Variants in DCUN1D5 observed in about 807,000 individuals in gnomAD.
DCUN1D5 encodes the protein DCN1-like protein 5.
Under a neutral mutation model 38.3 loss-of-function variants are expected in DCUN1D5, and 10 were observed. The ratio of observed to expected loss-of-function variants is 0.26; its 90% CI spans 0.16 to 0.44. The LOEUF is 0.44. Among genes scored for constraint, DCUN1D5 ranks in the 20% least tolerant of loss-of-function variants. DCUN1D5 has a pLI of 1.00. For synonymous variants in DCUN1D5, 93 were observed against 90.9 expected, an observed-to-expected ratio of 1.02 and a Z score of -0.13; for missense variants, 148 against 275.3, an observed-to-expected ratio of 0.54 and a Z score of 3.27.
rs188834885 is a variant in DCUN1D5, at chr11:103,063,962, T to C, written c.658+313A>G. On this transcript the variant is annotated intron_variant, in intron 7 of 7. Coordinates refer to ENST00000260247, the MANE Select transcript of DCUN1D5 (RefSeq NM_032299.4). This position sits in a 1 kb window ranked among gnomAD's most constrained non-coding sequence, Gnocchi z 4.6. The stretch of plus-strand genomic sequence containing the variant: ...ATTTTTAAAATCATGACTGTACTTT[T>C]CTTCCATAGGCAAATGCCAGGAAAG... 1.3e-3 allele frequency among the ~76,000 whole-genome samples: 200 copies of C among 152,276 alleles called. 1 individual carries two copies. Among genetic ancestry groups the C allele is most frequent in the African/African-American group, 4.7e-3 (196 of 41,578 alleles).
chr11:103,091,671 A>G lies in DCUN1D5; in HGVS notation c.86+116T>C, dbSNP rs996962926. 3 of 1,592,886 alleles carry G rather than the reference A, an allele frequency of 1.9e-6. No individual in the cohort carries two copies. Among genetic ancestry groups the G allele is most frequent in the Non-Finnish European group, 1.7e-6 (2 of 1,169,538 alleles). Reference sequence around the variant, plus strand: ...TCGGCACCTACAGCCTAGCTCGATCAAAGGGGCCTCACCTGTCTCCAGCCC... The same window carrying G: ...TCGGCACCTACAGCCTAGCTCGATCGAAGGGGCCTCACCTGTCTCCAGCCC... On this transcript the variant is annotated intron_variant, in intron 1 of 7. Coordinates refer to ENST00000260247, the MANE Select transcript of DCUN1D5 (RefSeq NM_032299.4). This position sits in a 1 kb window ranked among gnomAD's most constrained non-coding sequence, Gnocchi z 4.3.
rs1009904901 is a variant in DCUN1D5, at chr11:103,086,584, T to C, written c.178+2643A>G. Among the ~76,000 whole-genome samples the C allele has an allele frequency of 4.6e-5, 7 of 152,156 alleles. No individual in the cohort carries two copies. Among genetic ancestry groups the C allele is most frequent in the African/African-American group, 1.7e-4 (7 of 41,422 alleles). On this transcript the variant is annotated intron_variant, in intron 2 of 7. Transcript: ENST00000260247. The surrounding 1 kb of genome is among the most constrained non-coding windows in gnomAD (Gnocchi z 4.1). ...TTCCTGAACCTCACCATATTTATTA[T>C]CCTTATAACTCCCCACAATCTGTAC...
Position 103,055,291 on chromosome 11 carries a change from T to G in DCUN1D5, c.*7068A>C, listed in dbSNP as rs1441440541. The G allele has an allele frequency of 1.3e-5, 2 of 152,128 alleles. No individual in the cohort carries two copies. The highest frequency in any genetic ancestry group is 4.8e-5 in the African/African-American group (2 of 41,434). 9.4% of individuals were successfully genotyped at this position (152,128 alleles called of 1,614,324 possible). A position where few individuals can be genotyped will look rare whatever the true frequency, so the allele number is the denominator to read the frequency against. On this transcript the variant is annotated 3_prime_UTR_variant, in exon 8 of 8. Coordinates refer to ENST00000260247, the MANE Select transcript of DCUN1D5 (RefSeq NM_032299.4). ...TTTCAGATTTTCAAGTTAAGGATGT[T>G]CAACCTGCGCTGTTTGGCTATATTA...
At chr11:103,067,756 T>C (rs1277979145) in intron 4 of DCUN1D5, among the ~76,000 whole-genome samples, 2 of 152,324 alleles carry the variant, frequency 1.3e-5, no homozygotes, top group East Asian at 3.9e-4. Flanking sequence ...TTTGGTCATG[T>C]TATCTGTTTT....
chr11:103,053,557 C>T lies in DCUN1D5; in HGVS notation c.*8802G>A, dbSNP rs928257065. 1.3e-5 allele frequency: 2 copies of T among 151,860 alleles called. No homozygotes were observed. The highest frequency in any genetic ancestry group is 4.8e-5 in the African/African-American group (2 of 41,340). 9.4% of individuals were successfully genotyped at this position (151,860 alleles called of 1,614,324 possible). A position where few individuals can be genotyped will look rare whatever the true frequency, so the allele number is the denominator to read the frequency against. On this transcript the variant is annotated 3_prime_UTR_variant, in exon 8 of 8. Transcript: ENST00000260247. This position sits in a 1 kb window ranked among gnomAD's most constrained non-coding sequence, Gnocchi z 4.8. ...TTAAGGTGATGGATATCCCAATTATCTTCATTTAATTATATGAATATATCA... is the reference window on the plus strand; with the variant it reads ...TTAAGGTGATGGATATCCCAATTATTTTCATTTAATTATATGAATATATCA...
At position 103,054,483 on chromosome 11, in the gene DCUN1D5, G is replaced by A. The variant is rs1861824297; in HGVS notation, c.*7876C>T. 1.3e-5 allele frequency: 2 copies of A among 151,980 alleles called. No homozygotes were observed. The highest frequency in any genetic ancestry group is 2.4e-5 in the African/African-American group (1 of 41,390). 9.4% of individuals were successfully genotyped at this position (151,980 alleles called of 1,614,324 possible). ...GAGGCACCAAAAATAAGTGAGTCAG[G>A]ATTTCTATTATTGAAGGGAAAAAGA... On this transcript the variant is annotated 3_prime_UTR_variant, in exon 8 of 8. Coordinates refer to ENST00000260247, the MANE Select transcript of DCUN1D5 (RefSeq NM_032299.4).
intron 2 of DCUN1D5, among the ~76,000 whole-genome samples, chr11:103,088,436 G>C (rs1591230777): frequency 6.6e-6 from 1 of 152,174 alleles, no homozygotes; most frequent in Non-Finnish European, 1.5e-5. Flanking sequence ...TAGTATAAGT[G>C]TTCTTTTGCA....
rs1337754320 is a variant in DCUN1D5 at position 103,064,109 on chromosome 11, T to C, written c.658+166A>G. 1.3e-5 allele frequency among the ~76,000 whole-genome samples: 2 copies of C among 152,162 alleles called. No homozygotes were observed. The highest frequency in any genetic ancestry group is 2.1e-4 in the South Asian group (1 of 4,830). ...TACCAGCATAGATTTTATATAATAC[T>C]GCTGAATCTAAGCTCTCTCTCTACT... On this transcript the variant is annotated intron_variant, in intron 7 of 7. Coordinates refer to ENST00000260247, the MANE Select transcript of DCUN1D5 (RefSeq NM_032299.4). The surrounding 1 kb of genome is among the most constrained non-coding windows in gnomAD (Gnocchi z 4.5).
chr11:103,089,184 T>G (rs1862788804), intron 2 of DCUN1D5, 43 bp downstream of exon 2: 1 of 1,586,234 alleles, frequency 6.3e-7, no homozygotes. Context: ...AAATAAACTT[T>G]TTAAAGCATA....
intron 3 of DCUN1D5, 114 bp from the exon 4 acceptor site, chr11:103,082,953 G>A (rs1862603802): frequency 1.3e-6 from 1 of 750,412 alleles, no homozygotes; most frequent in Non-Finnish European, 2.2e-6. Flanking sequence ...AACTATTAAA[G>A]AGTACAACCT....
intron 2 of DCUN1D5, among the ~76,000 whole-genome samples, chr11:103,088,985 G>A (rs559060359): frequency 2.4e-4 from 36 of 152,000 alleles, no homozygotes; most frequent in African/African-American, 8.2e-4. Flanking sequence ...TTGTTTACAC[G>A]TTTTATTAAT....
chr11:103,081,142 T>C (rs1862554387), intron 4 of DCUN1D5, among the ~76,000 whole-genome samples: 1 of 152,238 alleles, frequency 6.6e-6, no homozygotes, highest in Admixed American at 6.5e-5. Flanking sequence ...ACTTTTTATA[T>C]TGTATCAACT....
Position 103,083,131 on chromosome 11 carries a change from A to C in DCUN1D5, c.249+125T>G. 3.2e-6 allele frequency: 2 copies of C among 624,688 alleles called. No homozygotes were observed. The highest frequency in any genetic ancestry group is 4.5e-5 in the South Asian group (2 of 44,644). The allele number at this position is 624,688 out of a possible 1,614,324, so 38.7% of individuals were successfully genotyped here. ...AACTGATTAAAAATACCTTAAATGC[A>C]AATTTACAATATTAAACATGAAGAA... On this transcript the variant is annotated intron_variant, in intron 3 of 7. Transcript: ENST00000260247. The surrounding 1 kb of genome is among the most constrained non-coding windows in gnomAD (Gnocchi z 4.4).
Position 103,091,713 on chromosome 11 carries a change from G to A in DCUN1D5, c.86+74C>T, listed in dbSNP as rs1230069417. 2.5e-6 allele frequency: 4 copies of A among 1,611,536 alleles called. No individual in the cohort carries two copies. In the East Asian group the frequency reaches 8.9e-5, roughly 36 times the overall value. ...CTCCAGCCCCAGCCCGGCAGGCCGG[G>A]CCCGACTCCTTTTCCTCCAGTTGTC... On this transcript the variant is annotated intron_variant, in intron 1 of 7. Coordinates refer to ENST00000260247, the MANE Select transcript of DCUN1D5 (RefSeq NM_032299.4). This position sits in a 1 kb window ranked among gnomAD's most constrained non-coding sequence, Gnocchi z 4.3.
chr11:103,090,386 C>T (rs924562472), intron 1 of DCUN1D5, among the ~76,000 whole-genome samples: 9 of 152,130 alleles, frequency 5.9e-5, no homozygotes, highest in African/African-American at 2.2e-4. Flanking sequence ...CCATAGACTC[C>T]TTTACCAAAA....
At position 103,062,195 on chromosome 11, in the gene DCUN1D5, C is replaced by T; in HGVS notation, c.*164G>A. The T allele has an allele frequency of 1.6e-6, 1 of 627,452 alleles. No individual in the cohort carries two copies. Among genetic ancestry groups the T allele is most frequent in the South Asian group, 2.1e-5 (1 of 48,472 alleles). 38.9% of individuals were successfully genotyped at this position (627,452 alleles called of 1,614,324 possible). On this transcript the variant is annotated 3_prime_UTR_variant, in exon 8 of 8. Coordinates refer to ENST00000260247, the MANE Select transcript of DCUN1D5 (RefSeq NM_032299.4). The surrounding 1 kb of genome is among the most constrained non-coding windows in gnomAD (Gnocchi z 4.6). ...AGAAGAGGTGTGGCTCAATGCCCAT[C>T]ACATGTAACAAGAAAAACCTCCTTT...
rs377402538 is a variant in DCUN1D5 at position 103,087,145 on chromosome 11, G to T, written c.178+2082C>A. 1.3e-5 allele frequency among the ~76,000 whole-genome samples: 2 copies of T among 150,970 alleles called. No homozygotes were observed. The highest frequency in any genetic ancestry group is 6.6e-5 in the Admixed American group (1 of 15,170). ...GTTGGAGACCAGTTTGGGCAACATC[G>T]TGAAACCCCATTTCTTTTTTTCTTT... On this transcript the variant is annotated intron_variant, in intron 2 of 7. Coordinates refer to ENST00000260247, the MANE Select transcript of DCUN1D5 (RefSeq NM_032299.4). This position sits in a 1 kb window ranked among gnomAD's most constrained non-coding sequence, Gnocchi z 4.1.
chr11:103,052,000 T>C lies in DCUN1D5; in HGVS notation c.*10359A>G, dbSNP rs1308628617. ...CTCTCCTCTGAACTCCTATAGCTTA[T>C]TGTCATATTATTCAACTGGCACTAA... On this transcript the variant is annotated 3_prime_UTR_variant, in exon 8 of 8. Transcript: ENST00000260247. 1 of 152,222 alleles carries C rather than the reference T, an allele frequency of 6.6e-6. No individual in the cohort carries two copies. Among genetic ancestry groups the C allele is most frequent in the Non-Finnish European group, 1.5e-5 (1 of 68,044 alleles). 9.4% of individuals were successfully genotyped at this position (152,222 alleles called of 1,614,324 possible).
rs1327888158 is a variant in DCUN1D5 at position 103,056,576 on chromosome 11, GAT to G, written c.*5781_*5782del. Among the ~76,000 whole-genome samples the G allele has an allele frequency of 6.6e-6, 1 of 152,060 alleles. No individual in the cohort carries two copies. Among genetic ancestry groups the G allele is most frequent in the Non-Finnish European group, 1.5e-5 (1 of 68,018 alleles). On this transcript the variant is annotated 3_prime_UTR_variant, in exon 8 of 8. Coordinates refer to ENST00000260247, the MANE Select transcript of DCUN1D5 (RefSeq NM_032299.4). The surrounding 1 kb of genome is among the most constrained non-coding windows in gnomAD (Gnocchi z 4.9). ...TCCCCATATAACCTTGTCACCAAAT[GAT>G]AAACTATTTTACTAACCAATTAAAA...
Sources: allele counts gnomAD v4.1 joint callset (sites outside exome capture counted in the v4.1 genomes callset), GRCh38; gene constraint gnomAD v4.1.1; non-coding constraint Gnocchi (gnomAD v3.1); transcripts MANE v1.5; gene names NCBI Gene and HGNC (gene_info 2026-07-23, HGNC 2026-07-21).